The following KARS1 variants were observed in gnomAD, a reference collection of about 807,000 sequenced individuals.
KARS1 encodes the protein lysyl-tRNA synthetase 1, also known as lysine--tRNA ligase.
A neutral mutation model predicts 63.9 loss-of-function variants in KARS1; 50 were observed. The ratio of observed to expected loss-of-function variants is 0.78; its 90% CI spans 0.62 to 0.99. The LOEUF (loss-of-function observed/expected upper bound fraction) is 0.99, where lower values mean the gene tolerates loss of function less well. Ranked by LOEUF, KARS1 falls within the 50% of genes least tolerant of loss-of-function variation. KARS1 has a pLI of 0.00. For synonymous variants in KARS1, 320 were observed against 264.6 expected (o/e 1.21, Z -2.03); for missense variants, 816 against 754.5 (o/e 1.08, Z -0.95).
intron 4 of KARS1, 151 bp from the exon 5 acceptor site, chr16:75,636,249 A>G: frequency 2.8e-6 from 2 of 709,254 alleles, no homozygotes; most frequent in East Asian, 5.3e-5. Context: ...AAAAAGGACT[A>G]TCCTTTACTT....
At chr16:75,640,726 A>G (rs1279222189) in intron 2 of KARS1, among the ~76,000 whole-genome samples, 1 of 152,204 alleles carries the variant, frequency 6.6e-6, no homozygotes, top group African/African-American at 2.4e-5. Context: ...ACCTCTGGCG[A>G]CACATCAGAC....
At position 75,641,866 on chromosome 16, in the gene KARS1, C is replaced by T. The variant is rs2082229027; in HGVS notation, c.63-143G>A. On this transcript the variant is annotated intron_variant, in intron 1 of 13. Transcript: ENST00000302445. ...ATACCCCTCAATTCCACACCCACAG[C>T]TCAGCTCAAGTAGCTTGTCACTAAA... is the stretch of plus-strand genomic sequence containing the variant. 8.7e-6 allele frequency: 7 copies of T among 801,474 alleles called. No homozygotes were observed. In the East Asian group the frequency reaches 1.5e-4, roughly 17 times the overall value. The allele number at this position is 801,474 out of a possible 1,614,324, so 49.6% of individuals were successfully genotyped here.
At chr16:75,639,466 G>A (rs926069862) in intron 3 of KARS1, among the ~76,000 whole-genome samples, 4 of 151,826 alleles carry the variant, frequency 2.6e-5, no homozygotes, top group Non-Finnish European at 5.9e-5. Flanking sequence ...CAGGTACTCG[G>A]GAGGCTGAGG....
At chr16:75,633,281 G>C (rs2082131296) in intron 7 of KARS1, among the ~76,000 whole-genome samples, 1 of 152,172 alleles carries the variant, frequency 6.6e-6, no homozygotes, top group Non-Finnish European at 1.5e-5. Flanking sequence ...CAGAGTATCT[G>C]TGTTTCAGTG....
intron 1 of KARS1, chr16:75,642,606 G>A (rs574526062): frequency 4.6e-5 from 7 of 152,234 alleles, no homozygotes; most frequent in Admixed American, 1.3e-4. Flanking sequence ...AGGAAGAGCC[G>A]GCTCTTTAGC....
rs1375734282 is a variant in KARS1 at position 75,631,597 on chromosome 16, A to G, written c.1079-8T>C. 1.2e-6 allele frequency: 2 copies of G among 1,614,114 alleles called. No homozygotes were observed. Among genetic ancestry groups the G allele is most frequent in the East Asian group, 2.2e-5 (1 of 44,876 alleles). ...TAATATGCTTCACCATCCCTGGGAG[A>G]GAAACCTGTTATTTAGCGGGAATGA... is the stretch of plus-strand genomic sequence containing the variant. On this transcript the variant is annotated splice_region_variant and splice_polypyrimidine_tract_variant and intron_variant, in intron 8 of 13. Coordinates refer to ENST00000302445, the MANE Select transcript of KARS1 (RefSeq NM_005548.3).
intron 10 of KARS1, among the ~76,000 whole-genome samples, 191 bp downstream of exon 10, chr16:75,630,977 C>T (rs2082105876): frequency 6.6e-6 from 1 of 152,114 alleles, no homozygotes; most frequent in Non-Finnish European, 1.5e-5. Flanking sequence ...TAACTGAGAT[C>T]ACACACATAA....
chr16:75,634,416 G>T, intron 6 of KARS1, 124 bp from the exon 7 acceptor site: 1 of 992,322 alleles, frequency 1.0e-6, no homozygotes, highest in Non-Finnish European at 1.5e-6. Context: ...AAGTTCAACA[G>T]TAATGTGCAA....
intron 2 of KARS1, among the ~76,000 whole-genome samples, chr16:75,641,179 A>G (rs1305401913): frequency 6.7e-6 from 1 of 149,674 alleles, no homozygotes. Context: ...AACAAAAACA[A>G]AAACAAAAAA....
chr16:75,647,244 T>C (rs2233805), intron 1 of KARS1, among the ~76,000 whole-genome samples: 14,471 of 152,306 alleles, frequency 0.095, 1,247 homozygotes, highest in African/African-American at 0.23. Flanking sequence ...AAAGAATGCA[T>C]TTCTCAGAAA....
chr16:75,645,704 G>A (rs746619677), intron 1 of KARS1, among the ~76,000 whole-genome samples: 3 of 151,974 alleles, frequency 2.0e-5, no homozygotes, highest in African/African-American at 2.4e-5. Flanking sequence ...AAATTTAACC[G>A]GGTGTTGTGG....
intron 1 of KARS1, among the ~76,000 whole-genome samples, chr16:75,646,921 G>C (rs1305832927): frequency 1.3e-5 from 2 of 152,252 alleles, no homozygotes; most frequent in Non-Finnish European, 1.5e-5. Flanking sequence ...GAGAATATAA[G>C]ACAGCCAGTT....
At chr16:75,630,636 A>G in intron 10 of KARS1, 128 bp from the exon 11 acceptor site, 1 of 367,908 alleles carries the variant, frequency 2.7e-6, no homozygotes, top group Non-Finnish European at 5.0e-6. Context: ...ATTTATTATT[A>G]TTATTATTAT....
intron 3 of KARS1, among the ~76,000 whole-genome samples, chr16:75,638,534 GAAGA>G (rs1158138814): frequency 6.6e-6 from 1 of 151,958 alleles, no homozygotes; most frequent in South Asian, 2.1e-4. Context: ...TGAAAGACAT[GAAGA>G]AAAAGACGCA....
Position 75,629,113 on chromosome 16 carries a change from C to A in KARS1, c.1551+302G>T, listed in dbSNP as rs76197636. ...TTCTCCATTCATCTCTACCTACCTC[C>A]CAGCCCTAAGCCACCTTAATACATG... On this transcript the variant is annotated intron_variant, in intron 12 of 13. Coordinates refer to ENST00000302445, the MANE Select transcript of KARS1 (RefSeq NM_005548.3). 2,556 of 472,916 alleles carry A rather than the reference C, an allele frequency of 5.4e-3. 67 individuals are homozygous for A. The highest frequency in any genetic ancestry group is 0.044 in the African/African-American group (2,240 of 50,988). 29.3% of individuals were successfully genotyped at this position (472,916 alleles called of 1,614,324 possible). A position where few individuals can be genotyped will look rare whatever the true frequency, so the allele number is the denominator to read the frequency against.
At chr16:75,647,010 C>T (rs962077996) in intron 1 of KARS1, among the ~76,000 whole-genome samples, 1 of 152,182 alleles carries the variant, frequency 6.6e-6, no homozygotes, top group Non-Finnish European at 1.5e-5. Flanking sequence ...AGATATCAGG[C>T]TGAATTAAGA....
intron 7 of KARS1, among the ~76,000 whole-genome samples, chr16:75,632,522 T>A (rs1040691400): frequency 6.6e-6 from 1 of 152,150 alleles, no homozygotes; most frequent in Non-Finnish European, 1.5e-5. Flanking sequence ...ACAAAAGATG[T>A]GGGTATTGCA....
intron 1 of KARS1, among the ~76,000 whole-genome samples, chr16:75,643,501 C>G (rs372363222): frequency 1.3e-5 from 2 of 151,872 alleles, no homozygotes; most frequent in Non-Finnish European, 2.9e-5. Flanking sequence ...CCTCAGCCTC[C>G]GGAGTAGCTG....
chr16:75,637,733 C>T (rs2082177404), intron 3 of KARS1, among the ~76,000 whole-genome samples: 1 of 147,230 alleles, frequency 6.8e-6, no homozygotes, highest in Non-Finnish European at 1.5e-5. Context: ...GAGCTGAGAT[C>T]ACGGCATTGC....
Sources: gnomAD v4.1 joint callset for allele counts (sites outside exome capture counted in the v4.1 genomes callset) on GRCh38, gnomAD v4.1.1 for gene constraint, MANE v1.5 for transcripts, NCBI Gene and HGNC (gene_info 2026-07-23, HGNC 2026-07-21) for gene names.